Variants in TLL1 observed in about 807,000 individuals in gnomAD.
TLL1 encodes the protein tolloid-like protein 1.
In TLL1, 49 loss-of-function variants were observed where a neutral mutation model predicts 128.2. That is an observed-to-expected ratio of 0.38 (90% CI 0.30 to 0.48). TLL1 has a LOEUF of 0.48. Among genes scored for constraint, TLL1 ranks in the 20% least tolerant of loss-of-function variants. The pLI, the probability that TLL1 is intolerant of heterozygous loss-of-function variation, is 0.96. For missense variants in TLL1, 1,123 were observed against 1,242.0 expected (o/e 0.90, Z 1.44); for synonymous variants, 454 against 418.8 (o/e 1.08, Z -1.03).
intron 9 of TLL1, among the ~76,000 whole-genome samples, 176 bp from the exon 10 acceptor site, chr4:166,039,163 A>T (rs1215285331): frequency 6.6e-6 from 1 of 152,188 alleles, no homozygotes; most frequent in African/African-American, 2.4e-5. Flanking sequence ...AAATGGGAAA[A>T]CATGGTTTCA....
chr4:166,044,740 AAAG>A (rs1739387875), intron 12 of TLL1, among the ~76,000 whole-genome samples: 1 of 152,204 alleles, frequency 6.6e-6, no homozygotes. Context: ...TAGACAAAAA[AAAG>A]GCTCATAAAA....
intron 1 of TLL1, among the ~76,000 whole-genome samples, chr4:165,957,838 A>C: frequency 7.0e-6 from 1 of 143,012 alleles, no homozygotes; most frequent in African/African-American, 2.6e-5. Flanking sequence ...CATTAGGTAT[A>C]TCTCCTAATG....
At chr4:165,953,566 GA>G (rs35500206) in intron 1 of TLL1, among the ~76,000 whole-genome samples, 90,957 of 134,448 alleles carry the variant, frequency 0.68, 29,403 homozygotes, top group Admixed American at 0.76. Flanking sequence ...TTTTCATTTA[GA>G]AAAAAAAAAA....
chr4:166,053,493 T>A (rs1739854392), intron 12 of TLL1, among the ~76,000 whole-genome samples: 1 of 152,154 alleles, frequency 6.6e-6, no homozygotes, highest in Non-Finnish European at 1.5e-5. Context: ...GAGTGCCTAG[T>A]GGAGAGTAGG....
Position 166,045,534 on chromosome 4 carries a change from G to T in TLL1, c.1524+2115G>T, listed in dbSNP as rs74660471. Among the ~76,000 whole-genome samples, 550 of 152,114 alleles carry T rather than the reference G, an allele frequency of 3.6e-3. 4 individuals carry two copies. The highest frequency in any genetic ancestry group is 0.013 in the African/African-American group (521 of 41,486). ...CTTGGAACTCACAGGAAGAACCTCA[G>T]GTCTCTACTCTTGCTCTGCATATCC... On this transcript the variant is annotated intron_variant, in intron 12 of 20. Transcript: ENST00000061240.
At chr4:165,947,957 A>G (rs1391114512) in intron 1 of TLL1, among the ~76,000 whole-genome samples, 1 of 152,186 alleles carries the variant, frequency 6.6e-6, no homozygotes, top group Non-Finnish European at 1.5e-5. Flanking sequence ...TCTACTGGTA[A>G]ATAAAACTAC....
intron 8 of TLL1, 99 bp downstream of exon 8, chr4:166,014,659 C>T: frequency 6.4e-7 from 1 of 1,568,294 alleles, no homozygotes; most frequent in Non-Finnish European, 8.7e-7. Flanking sequence ...GTCTCCCTCC[C>T]TGTTGGCAAG....
intron 1 of TLL1, among the ~76,000 whole-genome samples, chr4:165,959,790 T>G (rs577872348): frequency 1.3e-5 from 2 of 152,206 alleles, no homozygotes; most frequent in East Asian, 3.9e-4. Flanking sequence ...TATTTGAAAT[T>G]AGTGAAAACG....
At chr4:166,009,937 C>G (rs1737609699) in intron 7 of TLL1, among the ~76,000 whole-genome samples, 1 of 151,342 alleles carries the variant, frequency 6.6e-6, no homozygotes, top group Non-Finnish European at 1.5e-5. Flanking sequence ...ACTTATTCAT[C>G]TTGCAAAACG....
At chr4:166,004,954 G>GA (rs139423076) in intron 6 of TLL1, among the ~76,000 whole-genome samples, 3 of 151,874 alleles carry the variant, frequency 2.0e-5, no homozygotes, top group African/African-American at 7.3e-5. Context: ...GGTGGCGGGG[G>GA]GGTGCCTGAA....
At chr4:166,046,183 T>C (rs962768866) in intron 12 of TLL1, among the ~76,000 whole-genome samples, 1 of 152,188 alleles carries the variant, frequency 6.6e-6, no homozygotes, top group African/African-American at 2.4e-5. Context: ...GGATGGATTA[T>C]ATGTAAGTCA....
At chr4:165,923,781 A>G (rs920064290) in intron 1 of TLL1, among the ~76,000 whole-genome samples, 7 of 151,994 alleles carry the variant, frequency 4.6e-5, no homozygotes, top group African/African-American at 1.7e-4. Context: ...CTTCACAGAT[A>G]CTGCATTTTT....
At chr4:165,991,867 A>T (rs1026900883) in intron 2 of TLL1, among the ~76,000 whole-genome samples, 3 of 151,964 alleles carry the variant, frequency 2.0e-5, no homozygotes, top group Non-Finnish European at 4.4e-5. Flanking sequence ...ACTTGTTAAG[A>T]TGTCATTAGT....
intron 16 of TLL1, among the ~76,000 whole-genome samples, chr4:166,068,938 T>C (rs2111129760): frequency 6.6e-6 from 1 of 151,916 alleles, no homozygotes; most frequent in Non-Finnish European, 1.5e-5. Flanking sequence ...GGAACAAACC[T>C]GAAAGTTGCC....
chr4:165,927,027 G>T (rs1362488003), intron 1 of TLL1, among the ~76,000 whole-genome samples: 1 of 152,170 alleles, frequency 6.6e-6, no homozygotes, highest in Non-Finnish European at 1.5e-5. Context: ...CCTGAAATGT[G>T]AATTTGATGT....
At chr4:166,085,182 G>A (rs541363393) in intron 18 of TLL1, among the ~76,000 whole-genome samples, 3 of 150,586 alleles carry the variant, frequency 2.0e-5, no homozygotes, top group African/African-American at 7.3e-5. Context: ...GTTTCTGGTG[G>A]AGTCTTCAGA....
intron 1 of TLL1, among the ~76,000 whole-genome samples, chr4:165,887,926 T>TA (rs1396404351): frequency 6.6e-6 from 1 of 152,184 alleles, no homozygotes; most frequent in Non-Finnish European, 1.5e-5. Context: ...AATGTAGCTT[T>TA]AAAAAATTAT....
At chr4:166,006,225 A>G (rs999092776) in intron 6 of TLL1, among the ~76,000 whole-genome samples, 12 of 151,856 alleles carry the variant, frequency 7.9e-5, no homozygotes, top group African/African-American at 2.9e-4. Flanking sequence ...TATGATTTCA[A>G]GAAGGAGGCT....
At chr4:165,943,028 A>C (rs774710111) in intron 1 of TLL1, among the ~76,000 whole-genome samples, 6 of 152,110 alleles carry the variant, frequency 3.9e-5, no homozygotes, top group Non-Finnish European at 7.4e-5. Context: ...TAGGACATTC[A>C]AGTTCCCTTT....
Sources: allele counts gnomAD v4.1 joint callset (sites outside exome capture counted in the v4.1 genomes callset), GRCh38; gene constraint gnomAD v4.1.1; transcripts MANE v1.5; gene names NCBI Gene and HGNC (gene_info 2026-07-23, HGNC 2026-07-21).